The following TLR6 variants were observed in gnomAD, a reference collection of about 807,000 sequenced individuals.
TLR6 encodes the protein toll like receptor 6.
TLR6 carries 9 observed loss-of-function variants against 16.1 expected under a neutral mutation model. The ratio of observed to expected loss-of-function variants is 0.56; its 90% CI spans 0.34 to 0.98. The LOEUF (loss-of-function observed/expected upper bound fraction) is 0.98. TLR6 is among the 50% of genes least tolerant of loss of function. The pLI, the probability that TLR6 is intolerant of heterozygous loss-of-function variation, is 0.02. For missense variants in TLR6, 786 were observed against 921.0 expected, an observed-to-expected ratio of 0.85 and a Z score of 1.90; for synonymous variants, 340 against 338.6, an observed-to-expected ratio of 1.00 and a Z score of -0.04.
exon 2 of TLR6, chr4:38,828,588 C>A: frequency 6.2e-7 from 1 of 1,613,832 alleles, no homozygotes; most frequent in East Asian, 2.2e-5. Flanking sequence ...TAAGTAAAAT[C>A]TTCTTCACGA....
chr4:38,828,349 C>A (rs5743814), exon 2 of TLR6: 1 of 1,613,156 alleles, frequency 6.2e-7, no homozygotes, highest in Non-Finnish European at 8.5e-7. Context: ...ATTTAACTAA[C>A]GTGGAACATT....
exon 2 of TLR6, chr4:38,827,262 G>C: frequency 6.2e-7 from 1 of 1,614,140 alleles, no homozygotes. Flanking sequence ...TGTGGAATGG[G>C]TTCCAGTAAG....
At chr4:38,868,048 C>A in the TLR6 span, 1 of 424,144 alleles carries the variant, frequency 2.4e-6, no homozygotes, top group Admixed American at 2.5e-5. Flanking sequence ...TGCGTGGGTG[C>A]GGGCGTGTGA....
At chr4:38,837,456 GC>G (rs1711987745) in intron 1 of TLR6, among the ~76,000 whole-genome samples, 1 of 152,114 alleles carries the variant, frequency 6.6e-6, no homozygotes, top group Non-Finnish European at 1.5e-5. Flanking sequence ...CAACAAAGAT[GC>G]CAACAACATA....
chr4:38,858,150 G>A (rs1412532168), upstream of TLR6, among the ~76,000 whole-genome samples: 2 of 152,172 alleles, frequency 1.3e-5, no homozygotes, highest in East Asian at 1.9e-4. Flanking sequence ...AAGTAATAGC[G>A]AAGATGGCAA....
At chr4:38,848,944 C>T (rs1712653417) in intron 1 of TLR6, among the ~76,000 whole-genome samples, 1 of 152,128 alleles carries the variant, frequency 6.6e-6, no homozygotes, top group Non-Finnish European at 1.5e-5. Flanking sequence ...CAAAGATACT[C>T]CTCCAGAAGA....
At chr4:38,844,045 T>C (rs997137844) in intron 1 of TLR6, among the ~76,000 whole-genome samples, 1 of 152,064 alleles carries the variant, frequency 6.6e-6, no homozygotes, top group Non-Finnish European at 1.5e-5. Context: ...CTGACATGAG[T>C]GGATCAGCAT....
At chr4:38,840,119 C>G (rs1712178650) in intron 1 of TLR6, among the ~76,000 whole-genome samples, 1 of 152,180 alleles carries the variant, frequency 6.6e-6, no homozygotes, top group African/African-American at 2.4e-5. Flanking sequence ...TTGTTTTCTT[C>G]CATTCAGCCC....
At chr4:38,827,777 C>T in exon 2 of TLR6, 1 of 1,614,236 alleles carries the variant, frequency 6.2e-7, no homozygotes, top group Non-Finnish European at 8.5e-7. Flanking sequence ...TCCTCTATAA[C>T]TTTCTGGGTA....
chr4:38,855,655 T>C (rs912344369), intron 1 of TLR6, among the ~76,000 whole-genome samples: 1 of 152,128 alleles, frequency 6.6e-6, no homozygotes, highest in African/African-American at 2.4e-5. Flanking sequence ...TGAAAATCAG[T>C]CACCAGGTGG....
rs114266976 is a variant in TLR6, at chr4:38,835,111, C to T, written c.-64-5574G>A. Reference sequence around the variant, plus strand: ...AATAAGCCAAATGACAGAAATAAGTCGTTACCTATCAGTGATAACCTTGAA... The same window carrying T: ...AATAAGCCAAATGACAGAAATAAGTTGTTACCTATCAGTGATAACCTTGAA... On this transcript the variant is annotated intron_variant, in intron 1 of 1. Coordinates refer to ENST00000436693, the Ensembl canonical transcript of TLR6. Among the ~76,000 whole-genome samples, 1,249 of 152,266 alleles carry T rather than the reference C, an allele frequency of 8.2e-3. 22 individuals are homozygous for T. Among genetic ancestry groups the T allele is most frequent in the African/African-American group, 0.028 (1,166 of 41,550 alleles).
chr4:38,855,693 T>C (rs946809284), intron 1 of TLR6, among the ~76,000 whole-genome samples: 1 of 152,240 alleles, frequency 6.6e-6, no homozygotes, highest in East Asian at 1.9e-4. Flanking sequence ...CCTTATGGTA[T>C]CCTGCCACAA....
At chr4:38,852,180 G>T (rs1215352350) in intron 1 of TLR6, among the ~76,000 whole-genome samples, 6 of 152,012 alleles carry the variant, frequency 3.9e-5, no homozygotes, top group African/African-American at 1.2e-4. Flanking sequence ...TAGCCATATG[G>T]AGAAAGCTGA....
intron 1 of TLR6, among the ~76,000 whole-genome samples, chr4:38,855,249 C>G (rs932357349): frequency 3.3e-5 from 5 of 151,478 alleles, no homozygotes; most frequent in Non-Finnish European, 7.4e-5. Flanking sequence ...TAGTAAGACT[C>G]TAATTTTGCA....
At chr4:38,851,038 A>C (rs1415160383) in intron 1 of TLR6, among the ~76,000 whole-genome samples, 1 of 152,184 alleles carries the variant, frequency 6.6e-6, no homozygotes, top group Non-Finnish European at 1.5e-5. Context: ...CACCATGATC[A>C]AGTGGGCTTC....
At chr4:38,836,950 A>G (rs1711957762) in intron 1 of TLR6, among the ~76,000 whole-genome samples, 1 of 151,926 alleles carries the variant, frequency 6.6e-6, no homozygotes, top group Non-Finnish European at 1.5e-5. Flanking sequence ...AAAAAAAAAA[A>G]AAAAGAAAAA....
intron 1 of TLR6, among the ~76,000 whole-genome samples, chr4:38,847,443 C>A (rs894660242): frequency 2.0e-5 from 3 of 152,178 alleles, no homozygotes; most frequent in African/African-American, 7.2e-5. Flanking sequence ...GGGGGCAGGA[C>A]AGTGGGTGCA....
At chr4:38,866,435 G>A in the TLR6 span, among the ~76,000 whole-genome samples, 1 of 151,908 alleles carries the variant, frequency 6.6e-6, no homozygotes, top group Non-Finnish European at 1.5e-5. Flanking sequence ...AGAGGCTGCA[G>A]TGAGCTGAGA....
At chr4:38,829,282 G>C in exon 2 of TLR6, 1 of 1,614,184 alleles carries the variant, frequency 6.2e-7, no homozygotes, top group Non-Finnish European at 8.5e-7. Flanking sequence ...GAAGCTCAGC[G>C]ATGTAGTTCT....
Sources: allele counts gnomAD v4.1 joint callset (sites outside exome capture counted in the v4.1 genomes callset), GRCh38; gene constraint gnomAD v4.1.1; transcripts MANE v1.5; gene names NCBI Gene and HGNC (gene_info 2026-07-23, HGNC 2026-07-21).